Variants in DLD observed in about 807,000 individuals in gnomAD.
DLD encodes the protein dihydrolipoamide dehydrogenase, also known as dihydrolipoyl dehydrogenase, mitochondrial.
In DLD, 36 loss-of-function variants were observed where a neutral mutation model predicts 62.2. That is an observed-to-expected ratio of 0.58 (90% CI 0.44 to 0.76). The LOEUF is 0.76. DLD is among the 30% of genes least tolerant of loss of function. The pLI is 0.00. For synonymous variants in DLD, 204 were observed against 199.6 expected (o/e 1.02, Z -0.19); for missense variants, 541 against 608.6 (o/e 0.89, Z 1.17).
chr7:107,891,446 G>A lies in DLD; in HGVS notation c.39+157G>A. ...CTCTGCACTGGCTCAGCCCGGCCCT[G>A]GGCTCCGAGGTGGCCGCTCATCCTG... On this transcript the variant is annotated intron_variant, in intron 1 of 13. Coordinates refer to ENST00000205402, the MANE Select transcript of DLD (RefSeq NM_000108.5). 8.8e-6 allele frequency: 7 copies of A among 797,904 alleles called. No homozygotes were observed. In the Admixed American group the frequency reaches 1.1e-4, roughly 12 times the overall value. The allele number at this position is 797,904 out of a possible 1,614,324, so 49.4% of individuals were successfully genotyped here. A position where few individuals can be genotyped will look rare whatever the true frequency, so the allele number is the denominator to read the frequency against.
intron 2 of DLD, among the ~76,000 whole-genome samples, chr7:107,897,732 C>T (rs2031764135): frequency 6.6e-6 from 1 of 151,968 alleles, no homozygotes; most frequent in Non-Finnish European, 1.5e-5. Context: ...GCACGCACCA[C>T]TATGCCCAGC....
At chr7:107,894,570 C>A (rs747767186) in intron 2 of DLD, among the ~76,000 whole-genome samples, 1 of 152,146 alleles carries the variant, frequency 6.6e-6, no homozygotes, top group Non-Finnish European at 1.5e-5. Context: ...AAATAGGAAT[C>A]TCATTCTTCT....
At chr7:107,892,057 CTTT>C (rs1477177189) in intron 1 of DLD, among the ~76,000 whole-genome samples, 1 of 152,184 alleles carries the variant, frequency 6.6e-6, no homozygotes, top group East Asian at 1.9e-4. Context: ...GCAAGTCATG[CTTT>C]TAGGGAGCGG....
At chr7:107,909,416 GA>G (rs1186097464) in intron 8 of DLD, among the ~76,000 whole-genome samples, 1 of 152,192 alleles carries the variant, frequency 6.6e-6, no homozygotes, top group Non-Finnish European at 1.5e-5. Flanking sequence ...TTTTGACCAG[GA>G]TGAAACATCG....
intron 6 of DLD, 100 bp from the exon 7 acceptor site, chr7:107,905,261 T>A (rs1290924122): frequency 2.2e-5 from 28 of 1,284,354 alleles, no homozygotes; most frequent in Middle Eastern, 2.0e-4. Context: ...AGGAAGCATT[T>A]TGTTTTAGAT....
chr7:107,910,200 G>A (rs546400455), intron 8 of DLD, among the ~76,000 whole-genome samples: 11 of 152,170 alleles, frequency 7.2e-5, no homozygotes, highest in Non-Finnish European at 1.5e-4. Context: ...AATCTTGGGC[G>A]TTGCCTCTTG....
At chr7:107,895,151 C>T (rs1252148078) in intron 2 of DLD, among the ~76,000 whole-genome samples, 2 of 152,152 alleles carry the variant, frequency 1.3e-5, no homozygotes, top group African/African-American at 4.8e-5. Flanking sequence ...AGATTTAATC[C>T]TCATGGCCTT....
rs374293887 is a variant in DLD, at chr7:107,891,220, G to C, written c.-31G>C. On this transcript the variant is annotated 5_prime_UTR_variant, in exon 1 of 14. Transcript: ENST00000205402. ...GCGGAGGCGCCCAGCGGAGGTGAAA[G>C]TATTGGCGGAAAGGAAAATACAGCG... 112 of 1,613,960 alleles carry C rather than the reference G, an allele frequency of 6.9e-5. No homozygotes were observed. In the African/African-American group the frequency reaches 1.3e-3, roughly 19 times the overall value.
intron 2 of DLD, among the ~76,000 whole-genome samples, chr7:107,895,056 A>T (rs901423049): frequency 6.6e-6 from 1 of 152,220 alleles, no homozygotes; most frequent in African/African-American, 2.4e-5. Flanking sequence ...AGCATCCAGT[A>T]TGGTGTCTTG....
rs541630212 is a variant in DLD, at chr7:107,898,757, AT to A, written c.119-2973del. Among the ~76,000 whole-genome samples the A allele has an allele frequency of 3.3e-5, 5 of 149,942 alleles. No individual in the cohort carries two copies. In the East Asian group the frequency reaches 5.9e-4, roughly 18 times the overall value. On this transcript the variant is annotated intron_variant, in intron 2 of 13. Coordinates refer to ENST00000205402, the MANE Select transcript of DLD (RefSeq NM_000108.5). ...AGGTGCCTGCCACCACGCCCGGCTA[AT>A]TTTTTTTGTATTTTTAGTAGAGACG... is the stretch of plus-strand genomic sequence containing the variant.
At chr7:107,895,102 T>G (rs2031685740) in intron 2 of DLD, among the ~76,000 whole-genome samples, 1 of 152,196 alleles carries the variant, frequency 6.6e-6, no homozygotes, top group African/African-American at 2.4e-5. Context: ...AGCAATAATA[T>G]TAACTGATGC....
intron 6 of DLD, 68 bp from the exon 7 acceptor site, chr7:107,905,293 T>G: frequency 1.4e-6 from 2 of 1,470,438 alleles, no homozygotes; most frequent in Non-Finnish European, 1.9e-6. Flanking sequence ...AGAGTAATTT[T>G]TCCTTTGAAT....
At chr7:107,902,267 T>G in intron 3 of DLD, 58 bp from the exon 4 acceptor site, 1 of 1,471,620 alleles carries the variant, frequency 6.8e-7, no homozygotes, top group African/African-American at 1.4e-5. Flanking sequence ...ATTTGGAATT[T>G]TAGTGATCTG....
At chr7:107,902,467 A>C in intron 4 of DLD, 74 bp downstream of exon 4, 3 of 1,221,660 alleles carry the variant, frequency 2.5e-6, no homozygotes, top group Non-Finnish European at 3.6e-6. Context: ...TTGAGACTAG[A>C]TTAGACAAAT....
chr7:107,905,597 TCTGA>T, intron 7 of DLD, 93 bp downstream of exon 7: 1 of 1,372,246 alleles, frequency 7.3e-7, no homozygotes, highest in Non-Finnish European at 1.0e-6. Flanking sequence ...TTGAGAGATT[TCTGA>T]CTGAAATACT....
intron 1 of DLD, 137 bp from the exon 2 acceptor site, chr7:107,893,063 T>C: frequency 1.7e-6 from 1 of 583,314 alleles, no homozygotes; most frequent in South Asian, 2.5e-5. Context: ...CTGTAGCTTC[T>C]GTGTGGCAAT....
chr7:107,919,247 A>G lies in DLD; in HGVS notation c.1518A>G (p.Ser506=). 4 of 1,611,580 alleles carry G rather than the reference A, an allele frequency of 2.5e-6. No homozygotes were observed. Among genetic ancestry groups the G allele is most frequent in the Non-Finnish European group, 3.4e-6 (4 of 1,178,840 alleles). ...ATCTTGCTGCGTCATTTGGCAAATC[A>G]ATCAACTTTTGAATTAGAAGATTAT... ...EANLAASFGK[S]INF Residue 506 remains serine (S), a synonymous_variant, in exon 14 of 14, where the codon TCA becomes TCG. Coordinates refer to ENST00000205402, the MANE Select transcript of DLD (RefSeq NM_000108.5).
At chr7:107,915,463 T>G in intron 8 of DLD, 43 bp from the exon 9 acceptor site, 1 of 1,591,370 alleles carries the variant, frequency 6.3e-7, no homozygotes, top group Non-Finnish European at 8.6e-7. Flanking sequence ...ACATTTGCTA[T>G]AGAAACTTTT....
chr7:107,918,921 G>C, intron 12 of DLD, 89 bp from the exon 13 acceptor site: 1 of 1,070,432 alleles, frequency 9.3e-7, no homozygotes, highest in Non-Finnish European at 1.4e-6. Flanking sequence ...GCGTTTTTAA[G>C]ATCTAAAAGC....
Sources: allele counts gnomAD v4.1 joint callset (sites outside exome capture counted in the v4.1 genomes callset), GRCh38; gene constraint gnomAD v4.1.1; transcripts MANE v1.5; gene names NCBI Gene and HGNC (gene_info 2026-07-23, HGNC 2026-07-21).